The following NDUFS4 variants were observed in gnomAD, a reference collection of about 807,000 sequenced individuals.
NDUFS4 encodes NADH:ubiquinone oxidoreductase subunit S4, also known as NADH dehydrogenase [ubiquinone] iron-sulfur protein 4, mitochondrial.
In NDUFS4, 28 loss-of-function variants were observed where a neutral mutation model predicts 24.3. That is an observed-to-expected ratio of 1.15 (90% CI 0.85 to 1.58). The LOEUF is 1.58. Among genes scored for constraint, NDUFS4 ranks in the 40% most tolerant of loss-of-function variants. The pLI, the probability that NDUFS4 is intolerant of heterozygous loss-of-function variation, is 0.00. For missense variants in NDUFS4, 223 were observed against 207.9 expected (o/e 1.07, Z -0.45); for synonymous variants, 93 against 69.7 (o/e 1.34, Z -1.67).
rs182532257 is a variant in NDUFS4, at chr5:53,648,849, T to C, written c.350+2444T>C. On this transcript the variant is annotated intron_variant, in intron 3 of 4. Coordinates refer to ENST00000296684, the MANE Select transcript of NDUFS4 (RefSeq NM_002495.4). ...AGAATACTTTGAGACCATTTTTTTTTCCTTACAAAAACACAATATCCCCAC... is the reference window on the plus strand; with the variant it reads ...AGAATACTTTGAGACCATTTTTTTTCCCTTACAAAAACACAATATCCCCAC... Among the ~76,000 whole-genome samples the C allele has an allele frequency of 2.5e-3, 380 of 152,300 alleles. 1 individual carries two copies. Among genetic ancestry groups the C allele is most frequent in the African/African-American group, 8.0e-3 (332 of 41,568 alleles).
At chr5:53,670,960 ATACTC>A (rs1227800149) in intron 4 of NDUFS4, among the ~76,000 whole-genome samples, 2 of 151,580 alleles carry the variant, frequency 1.3e-5, no homozygotes, top group African/African-American at 2.4e-5. Context: ...TATATTATTT[ATACTC>A]TACTATCTAT....
chr5:53,575,830 C>A (rs1749368201), intron 1 of NDUFS4, among the ~76,000 whole-genome samples: 1 of 152,088 alleles, frequency 6.6e-6, no homozygotes, highest in African/African-American at 2.4e-5. Context: ...GTGTTAGCTA[C>A]CACACCTGGC....
At chr5:53,570,059 G>T (rs184936226) in intron 1 of NDUFS4, among the ~76,000 whole-genome samples, 1 of 152,116 alleles carries the variant, frequency 6.6e-6, no homozygotes, top group African/African-American at 2.4e-5. Flanking sequence ...ACATGTATGG[G>T]TTATGTGTAA....
At position 53,683,289 on chromosome 5, in the gene NDUFS4, A is replaced by ATAAT; in HGVS notation, c.*69_*72dup. 9.2e-7 allele frequency: 1 copy of ATAAT among 1,087,240 alleles called. No homozygotes were observed. The highest frequency in any genetic ancestry group is 1.4e-6 in the Non-Finnish European group (1 of 702,204). The allele number at this position is 1,087,240 out of a possible 1,614,324, so 67.3% of individuals were successfully genotyped here. On this transcript the variant is annotated 3_prime_UTR_variant, in exon 5 of 5. Coordinates refer to ENST00000296684, the MANE Select transcript of NDUFS4 (RefSeq NM_002495.4). ...GCTGTGCAGTATTTATAGTCCATGT[A>ATAAT]TAATAAATACATCTCTTAATCTCCT...
chr5:53,656,799 G>A (rs1752173284), intron 3 of NDUFS4, among the ~76,000 whole-genome samples: 1 of 152,072 alleles, frequency 6.6e-6, no homozygotes, highest in South Asian at 2.1e-4. Context: ...CTTGGTGAAG[G>A]GTGGATTGGA....
intron 1 of NDUFS4, among the ~76,000 whole-genome samples, chr5:53,571,620 G>A (rs183422082): frequency 2.0e-5 from 3 of 152,222 alleles, no homozygotes; most frequent in East Asian, 1.9e-4. Flanking sequence ...TTCCAAAGTG[G>A]CTGCACTATT....
At chr5:53,564,329 C>G (rs1397643284) in intron 1 of NDUFS4, among the ~76,000 whole-genome samples, 2 of 152,146 alleles carry the variant, frequency 1.3e-5, no homozygotes, top group Non-Finnish European at 2.9e-5. Flanking sequence ...CCAATAGGTT[C>G]ACTTCTACTT....
intron 4 of NDUFS4, among the ~76,000 whole-genome samples, chr5:53,670,621 TTATA>T (rs140428140): frequency 1.3e-5 from 2 of 148,160 alleles, no homozygotes; most frequent in South Asian, 2.1e-4. Flanking sequence ...AGGGTATACA[TTATA>T]TATATATATA....
intron 2 of NDUFS4, among the ~76,000 whole-genome samples, chr5:53,636,141 C>A (rs535881926): frequency 6.6e-5 from 10 of 152,190 alleles, no homozygotes; most frequent in African/African-American, 2.2e-4. Context: ...ACTTCAGCCT[C>A]CCTAGGAGCT....
intron 4 of NDUFS4, 88 bp downstream of exon 4, chr5:53,658,712 G>T: frequency 9.4e-7 from 1 of 1,068,694 alleles, no homozygotes; most frequent in Non-Finnish European, 1.4e-6. Flanking sequence ...CAGAATTTGA[G>T]TTGGAATCCA....
intron 1 of NDUFS4, among the ~76,000 whole-genome samples, chr5:53,572,620 A>G (rs1250451984): frequency 6.6e-6 from 1 of 151,524 alleles, no homozygotes; most frequent in Non-Finnish European, 1.5e-5. Context: ...CCAGGCTGTG[A>G]AGATTTTTTT....
intron 2 of NDUFS4, among the ~76,000 whole-genome samples, chr5:53,627,421 G>A (rs112848407): frequency 0.42 from 64,262 of 152,000 alleles, 14,421 homozygotes; most frequent in Admixed American, 0.5. Flanking sequence ...TGTGAAGAAA[G>A]CCAGTGGTAC....
chr5:53,668,222 C>T (rs534280519), intron 4 of NDUFS4, among the ~76,000 whole-genome samples: 2 of 152,096 alleles, frequency 1.3e-5, no homozygotes, highest in South Asian at 4.1e-4. Flanking sequence ...TTATCAAATA[C>T]AATTTGTTAT....
chr5:53,600,609 C>T (rs149124429), intron 1 of NDUFS4, among the ~76,000 whole-genome samples: 180 of 152,156 alleles, frequency 1.2e-3, no homozygotes, highest in Middle Eastern at 6.8e-3. Context: ...GCGCCCAGCC[C>T]GGTAGGTATA....
At chr5:53,571,466 A>T (rs375206844) in intron 1 of NDUFS4, among the ~76,000 whole-genome samples, 1 of 152,248 alleles carries the variant, frequency 6.6e-6, no homozygotes, top group Non-Finnish European at 1.5e-5. Flanking sequence ...CCTTTTGGCT[A>T]CATGAATAGT....
chr5:53,592,579 A>T (rs972296531), intron 1 of NDUFS4, among the ~76,000 whole-genome samples: 3 of 152,148 alleles, frequency 2.0e-5, no homozygotes, highest in African/African-American at 7.2e-5. Flanking sequence ...TGAAAGGTGT[A>T]ATGTCACTGT....
intron 2 of NDUFS4, among the ~76,000 whole-genome samples, chr5:53,619,306 T>TA (rs113660312): frequency 2.9e-4 from 21 of 72,366 alleles, no homozygotes; most frequent in South Asian, 2.2e-3. Flanking sequence ...GCTAAAAATT[T>TA]AAAAAAAAAA....
chr5:53,566,242 A>C (rs1362968204), intron 1 of NDUFS4, among the ~76,000 whole-genome samples: 2 of 152,176 alleles, frequency 1.3e-5, no homozygotes, highest in African/African-American at 4.8e-5. Context: ...TACTTGCTAG[A>C]AGAGATCTGT....
chr5:53,668,319 T>A (rs955395214), intron 4 of NDUFS4, among the ~76,000 whole-genome samples: 2 of 152,160 alleles, frequency 1.3e-5, no homozygotes, highest in African/African-American at 4.8e-5. Flanking sequence ...TCTCCTTAGT[T>A]TTTTCATTTC....
Sources: gnomAD v4.1 joint callset for allele counts (sites outside exome capture counted in the v4.1 genomes callset) on GRCh38, gnomAD v4.1.1 for gene constraint, MANE v1.5 for transcripts, NCBI Gene and HGNC (gene_info 2026-07-23, HGNC 2026-07-21) for gene names.